IFT52: variants seen among roughly 807,000 people sequenced by gnomAD.
The protein encoded by IFT52 is intraflagellar transport protein 52 homolog.
IFT52 carries 44 observed loss-of-function variants against 54.4 expected under a neutral mutation model. The observed-to-expected ratio is 0.81, with a 90% CI of 0.63 to 1.04. IFT52 has a LOEUF of 1.04. Ranked by LOEUF, IFT52 falls within the 50% of genes least tolerant of loss-of-function variation. IFT52 has a pLI of 0.00. For synonymous variants in IFT52, 181 were observed against 185.3 expected (o/e 0.98, Z 0.19); for missense variants, 452 against 523.6 (o/e 0.86, Z 1.33).
intron 6 of IFT52, among the ~76,000 whole-genome samples, chr20:43,605,996 G>T (rs1269817980): frequency 3.3e-5 from 5 of 152,068 alleles, no homozygotes. Flanking sequence ...CAAGGCGAGT[G>T]GATCACCTGA....
At position 43,594,781 on chromosome 20, in the gene IFT52, T is replaced by C; in HGVS notation, c.83T>C (p.Met28Thr). The stretch of plus-strand genomic sequence containing the variant: ...ACCACCAACAATGGCTACAAATCCA[T>C]GCAGAAAAAACTTCGGAGTAATTGG... ...IFTTNNGYKSMQKKLRSNWKI... is the reference protein window; with the variant it reads ...IFTTNNGYKSTQKKLRSNWKI... The change falls in exon 2 of 14, where the codon ATG (methionine) becomes ACG (threonine). Residue 28 changes from methionine (M) to threonine (T), a missense_variant. Coordinates refer to ENST00000373030, the MANE Select transcript of IFT52 (RefSeq NM_016004.5). 6.2e-7 allele frequency: 1 copy of C among 1,611,758 alleles called. No individual in the cohort carries two copies. The highest frequency in any genetic ancestry group is 1.1e-5 in the South Asian group (1 of 90,998).
chr20:43,626,738 A>G (rs1984748794), intron 10 of IFT52, among the ~76,000 whole-genome samples: 1 of 151,988 alleles, frequency 6.6e-6, no homozygotes, highest in South Asian at 2.1e-4. Context: ...CTTAGATTTG[A>G]TGAAATATGG....
chr20:43,594,688 A>G lies in IFT52; in HGVS notation c.-6-5A>G. On this transcript the variant is annotated splice_region_variant and splice_polypyrimidine_tract_variant and intron_variant, in intron 1 of 13. Transcript: ENST00000373030. ...GATTTTCTGATCCCATCTTTCTTCC[A>G]TAAGGTAACCATGGAGAAAGAGCTG... 2.1e-6 allele frequency: 3 copies of G among 1,456,880 alleles called. No homozygotes were observed. The highest frequency in any genetic ancestry group is 2.3e-5 in the South Asian group (2 of 87,366). The allele number at this position is 1,456,880 out of a possible 1,614,324, so 90.2% of individuals were successfully genotyped here. A position where few individuals can be genotyped will look rare whatever the true frequency, so the allele number is the denominator to read the frequency against.
chr20:43,597,779 A>G (rs1327479858), intron 3 of IFT52, among the ~76,000 whole-genome samples: 1 of 151,916 alleles, frequency 6.6e-6, no homozygotes, highest in South Asian at 2.1e-4. Flanking sequence ...CTGTAATCCC[A>G]ACTACTTGGG....
intron 6 of IFT52, among the ~76,000 whole-genome samples, chr20:43,611,788 G>T (rs1459072770): frequency 6.6e-6 from 1 of 152,054 alleles, no homozygotes; most frequent in African/African-American, 2.4e-5. Flanking sequence ...CCAGCAGTTT[G>T]GGAGGCTGAG....
At chr20:43,594,045 C>T (rs1981737908) in intron 1 of IFT52, among the ~76,000 whole-genome samples, 1 of 152,110 alleles carries the variant, frequency 6.6e-6, no homozygotes, top group Non-Finnish European at 1.5e-5. Context: ...TGCAGTGGCT[C>T]ACACCTGTAA....
intron 7 of IFT52, among the ~76,000 whole-genome samples, chr20:43,617,296 G>T (rs1983930550): frequency 6.6e-6 from 1 of 152,112 alleles, no homozygotes; most frequent in Non-Finnish European, 1.5e-5. Flanking sequence ...ACTAAAATTC[G>T]ACTAGCGCTG....
intron 8 of IFT52, among the ~76,000 whole-genome samples, chr20:43,619,722 G>A (rs6030986): frequency 7.5e-4 from 114 of 152,174 alleles, no homozygotes; most frequent in African/African-American, 2.6e-3. Flanking sequence ...CATGTCTTAC[G>A]GAAGATGGCA....
At chr20:43,622,704 T>G (rs1327245630) in intron 9 of IFT52, among the ~76,000 whole-genome samples, 1 of 147,078 alleles carries the variant, frequency 6.8e-6, no homozygotes. Flanking sequence ...AATATAAATA[T>G]ATACATATTT....
At chr20:43,627,094 G>A (rs1408116324) in intron 10 of IFT52, among the ~76,000 whole-genome samples, 1 of 151,978 alleles carries the variant, frequency 6.6e-6, no homozygotes, top group Non-Finnish European at 1.5e-5. Context: ...TTGAACCCGG[G>A]TGGCAGAAGT....
Position 43,628,363 on chromosome 20 carries a change from G to A in IFT52, c.923+4318G>A, listed in dbSNP as rs191529792. ...AGTCTGGCTACAGTGGTTTTGTGGC[G>A]CTGCAGTTGGCTCCACCCAGTTCAG... On this transcript the variant is annotated intron_variant, in intron 10 of 13. Coordinates refer to ENST00000373030, the MANE Select transcript of IFT52 (RefSeq NM_016004.5). Among the ~76,000 whole-genome samples, 31 of 152,288 alleles carry A rather than the reference G, an allele frequency of 2.0e-4. No homozygotes were observed. The East Asian group carries it at 4.4e-3, about 22-fold the overall frequency.
chr20:43,622,619 T>A (rs1261103643), intron 9 of IFT52, among the ~76,000 whole-genome samples: 1 of 148,022 alleles, frequency 6.8e-6, no homozygotes, highest in African/African-American at 2.5e-5. Context: ...ATAAATTTTT[T>A]ATACATATAT....
chr20:43,606,654 T>C (rs540903624), intron 6 of IFT52, among the ~76,000 whole-genome samples: 3 of 152,044 alleles, frequency 2.0e-5, no homozygotes, highest in African/African-American at 4.8e-5. Context: ...GGCAGGGTCA[T>C]AGGACAATAG....
intron 1 of IFT52, among the ~76,000 whole-genome samples, chr20:43,594,179 G>A (rs1363604679): frequency 1.3e-5 from 2 of 151,958 alleles, no homozygotes; most frequent in South Asian, 2.1e-4. Context: ...ATGGTGACAC[G>A]TGCCTGTAAT....
At chr20:43,612,490 C>T (rs1473921560) in intron 6 of IFT52, among the ~76,000 whole-genome samples, 2 of 151,760 alleles carry the variant, frequency 1.3e-5, no homozygotes, top group East Asian at 3.9e-4. Flanking sequence ...CTCAGGAGTT[C>T]AAGACCAGCC....
At position 43,633,980 on chromosome 20, in the gene IFT52, A is replaced by G. The variant is rs1318673087; in HGVS notation, c.924-1946A>G. Among the ~76,000 whole-genome samples the G allele has an allele frequency of 2.0e-5, 3 of 152,086 alleles. No homozygotes were observed. In the East Asian group the frequency reaches 5.8e-4, roughly 29 times the overall value. On this transcript the variant is annotated intron_variant, in intron 10 of 13. Coordinates refer to ENST00000373030, the MANE Select transcript of IFT52 (RefSeq NM_016004.5). ...GGGGTTCGAGACCAGCCTGGGCAAC[A>G]TAGTGAGCCCTTGTCCCTACTAAAA...
intron 7 of IFT52, among the ~76,000 whole-genome samples, chr20:43,616,442 G>A (rs1335477137): frequency 6.6e-6 from 1 of 151,314 alleles, no homozygotes; most frequent in Admixed American, 6.6e-5. Flanking sequence ...CCTGGAAGCG[G>A]AGGTTGCAGT....
chr20:43,613,008 C>T (rs888325109), intron 6 of IFT52, among the ~76,000 whole-genome samples: 1 of 152,200 alleles, frequency 6.6e-6, no homozygotes, highest in African/African-American at 2.4e-5. Context: ...CCCACACCCT[C>T]TCCAGGAGTA....
At chr20:43,621,035 C>A in intron 9 of IFT52, 110 bp downstream of exon 9, 2 of 740,076 alleles carry the variant, frequency 2.7e-6, no homozygotes, top group South Asian at 1.8e-5. Flanking sequence ...ATCTGTAAGA[C>A]AGATGGAACG....
Sources: allele counts gnomAD v4.1 joint callset (sites outside exome capture counted in the v4.1 genomes callset), GRCh38; gene constraint gnomAD v4.1.1; transcripts MANE v1.5; gene names NCBI Gene and HGNC (gene_info 2026-07-23, HGNC 2026-07-21).